Variants in SCN8A observed in about 807,000 individuals in gnomAD.
SCN8A encodes sodium channel protein type 8 subunit alpha.
Under a neutral mutation model 184.1 loss-of-function variants are expected in SCN8A, and 30 were observed. That is an observed-to-expected ratio of 0.16 (90% CI 0.12 to 0.22). The LOEUF (loss-of-function observed/expected upper bound fraction) is 0.22. SCN8A is among the 10% of genes least tolerant of loss of function. The pLI, the probability that SCN8A is intolerant of heterozygous loss-of-function variation, is 1.00. For synonymous variants in SCN8A, 852 were observed against 907.0 expected (o/e 0.94, Z 1.09); for missense variants, 1,057 against 2,498.9 (o/e 0.42, Z 12.30).
chr12:51,631,020 C>T (rs1592340584), intron 1 of SCN8A, among the ~76,000 whole-genome samples: 1 of 152,170 alleles, frequency 6.6e-6, no homozygotes, highest in Non-Finnish European at 1.5e-5. Context: ...GCTTGCTGTG[C>T]CCAGGGTCCT....
intron 1 of SCN8A, among the ~76,000 whole-genome samples, chr12:51,595,480 T>C (rs752766256): frequency 2.6e-5 from 4 of 152,142 alleles, no homozygotes; most frequent in Non-Finnish European, 5.9e-5. Context: ...ATAGTTACAC[T>C]ATTGAGAAGA....
At chr12:51,592,168 G>A (rs1394037383) in intron 1 of SCN8A, among the ~76,000 whole-genome samples, 1 of 151,198 alleles carries the variant, frequency 6.6e-6, no homozygotes, top group Non-Finnish European at 1.5e-5. Flanking sequence ...TTGGGGTACA[G>A]GACTGTTTGC....
At chr12:51,712,960 C>A (rs1454061898) in intron 11 of SCN8A, 2 of 1,590,986 alleles carry the variant, frequency 1.3e-6, no homozygotes. Flanking sequence ...TCCACCTCCA[C>A]GACCTGTCCG....
rs12317139 is a variant in SCN8A at position 51,790,279 on chromosome 12, A to G, written c.4420-119A>G. 3,031 of 610,138 alleles carry G rather than the reference A, an allele frequency of 5.0e-3. 51 individuals carry two copies. Among genetic ancestry groups the G allele is most frequent in the African/African-American group, 0.042 (2,206 of 52,606 alleles). The allele number at this position is 610,138 out of a possible 1,614,324, so 37.8% of individuals were successfully genotyped here. A position where few individuals can be genotyped will look rare whatever the true frequency, so the allele number is the denominator to read the frequency against. On this transcript the variant is annotated intron_variant, in intron 24 of 26. Transcript: ENST00000627620. Reference sequence around the variant, plus strand: ...GGGTCTACCCCACTCTGGGACAGCTATTAGCTACAAAGGAAAGGGATAGGT... The same window carrying G: ...GGGTCTACCCCACTCTGGGACAGCTGTTAGCTACAAAGGAAAGGGATAGGT...
chr12:51,692,121 T>A (rs1414847927), intron 6 of SCN8A, among the ~76,000 whole-genome samples: 1 of 152,204 alleles, frequency 6.6e-6, no homozygotes, highest in Non-Finnish European at 1.5e-5. Flanking sequence ...CTTTGTCTTC[T>A]CCTCTTCCCA....
At chr12:51,777,171 A>G (rs1937730012) in intron 20 of SCN8A, among the ~76,000 whole-genome samples, 1 of 152,230 alleles carries the variant, frequency 6.6e-6, no homozygotes, top group Non-Finnish European at 1.5e-5. Flanking sequence ...CCGTTTGAAA[A>G]TATTCACATC....
At chr12:51,780,387 T>C (rs1195864880) in intron 20 of SCN8A, 6 of 357,294 alleles carry the variant, frequency 1.7e-5, no homozygotes, top group Non-Finnish European at 3.1e-5. Context: ...TACCGCCTTC[T>C]CGATTTTCTC....
intron 14 of SCN8A, among the ~76,000 whole-genome samples, chr12:51,756,076 C>T (rs1942669146): frequency 6.6e-6 from 1 of 152,090 alleles, no homozygotes; most frequent in Non-Finnish European, 1.5e-5. Context: ...CGATGCCTCA[C>T]AGTAGGCCTT....
At chr12:51,687,280 C>G in intron 5 of SCN8A, 61 bp downstream of exon 5, 1 of 1,591,588 alleles carries the variant, frequency 6.3e-7, no homozygotes, top group Non-Finnish European at 8.6e-7. Flanking sequence ...GAGTTGTACT[C>G]CTGGGTCTGT....
At chr12:51,610,673 A>G (rs959523539) in intron 1 of SCN8A, among the ~76,000 whole-genome samples, 2 of 152,190 alleles carry the variant, frequency 1.3e-5, no homozygotes, top group Non-Finnish European at 2.9e-5. Context: ...ACTAGATACA[A>G]AATTCCTGGC....
chr12:51,672,084 T>A (rs1377698159), intron 2 of SCN8A, among the ~76,000 whole-genome samples: 4 of 152,190 alleles, frequency 2.6e-5, no homozygotes, highest in African/African-American at 9.6e-5. Flanking sequence ...ATTTTCCGTC[T>A]TTCCTCTCAT....
rs370931597 is a variant in SCN8A at position 51,790,514 on chromosome 12, G to C, written c.4524+12G>C. On this transcript the variant is annotated intron_variant, in intron 25 of 26. Transcript: ENST00000627620. ...TTCCCCGCCCCTTGGTAAGTGCATT[G>C]TGCAGGCTGAGGCCTTGGTGAGAAC... 3 of 1,575,292 alleles carry C rather than the reference G, an allele frequency of 1.9e-6. No homozygotes were observed. The highest frequency in any genetic ancestry group is 1.1e-5 in the South Asian group (1 of 88,656).
At chr12:51,687,363 T>A in intron 5 of SCN8A, 144 bp downstream of exon 5, 1 of 894,086 alleles carries the variant, frequency 1.1e-6, no homozygotes, top group Non-Finnish European at 1.7e-6. Flanking sequence ...TGTGGGCTTA[T>A]GTCTATGATT....
chr12:51,598,895 C>A (rs1939404736), intron 1 of SCN8A, among the ~76,000 whole-genome samples: 1 of 152,114 alleles, frequency 6.6e-6, no homozygotes, highest in African/African-American at 2.4e-5. Flanking sequence ...CAGTTAGTTA[C>A]CCCTTTTCCT....
At chr12:51,667,845 T>C (rs1341898750) in intron 2 of SCN8A, among the ~76,000 whole-genome samples, 2 of 152,086 alleles carry the variant, frequency 1.3e-5, no homozygotes, top group African/African-American at 4.8e-5. Context: ...AATTACAAGA[T>C]TGATCAATGT....
chr12:51,803,143 G>T (rs999696861), intron 26 of SCN8A, among the ~76,000 whole-genome samples: 1 of 152,236 alleles, frequency 6.6e-6, no homozygotes, highest in Non-Finnish European at 1.5e-5. Context: ...TCAAAAGTAG[G>T]GAAGCTGACA....
intron 1 of SCN8A, among the ~76,000 whole-genome samples, chr12:51,661,797 G>A (rs561595575): frequency 6.6e-6 from 1 of 152,194 alleles, no homozygotes; most frequent in Non-Finnish European, 1.5e-5. Context: ...ACCAGGGATT[G>A]ATTCCTCCAT....
chr12:51,670,510 G>C (rs138425542), intron 2 of SCN8A, among the ~76,000 whole-genome samples: 138 of 152,266 alleles, frequency 9.1e-4, no homozygotes, highest in African/African-American at 3.2e-3. Flanking sequence ...GGCTGGGGAG[G>C]GTGAGCTGGA....
Position 51,806,656 on chromosome 12 carries a change from G to C in SCN8A, c.5170G>C (p.Asp1724His), listed in dbSNP as rs1176149836. 1 of 1,614,144 alleles carries C rather than the reference G, an allele frequency of 6.2e-7. No homozygotes were observed. Among genetic ancestry groups the C allele is most frequent in the East Asian group, 2.2e-5 (1 of 44,878 alleles). ...AAACCGCCCCCCTGACTGCAGCCTA[G>C]ATAAGGAACACCCAGGGAGTGGCTT... ...ILNRPPDCSL[D>H]KEHPGSGFKG... is the part of the protein sequence containing the mutation. The change falls in exon 27 of 27, where the codon GAT (aspartate) becomes CAT (histidine). Residue 1724 changes from aspartate to histidine, a missense_variant. Coordinates refer to ENST00000627620, the MANE Select transcript of SCN8A (RefSeq NM_001330260.2). The surrounding 1 kb of genome is among the most constrained non-coding windows in gnomAD (Gnocchi z 8.7).
Sources: allele counts gnomAD v4.1 joint callset (sites outside exome capture counted in the v4.1 genomes callset), GRCh38; gene constraint gnomAD v4.1.1; non-coding constraint Gnocchi (gnomAD v3.1); transcripts MANE v1.5; gene names NCBI Gene and HGNC (gene_info 2026-07-23, HGNC 2026-07-21).